The following GLB1 variants were observed in gnomAD, a reference collection of about 807,000 sequenced individuals.
GLB1 encodes galactosidase beta 1, also known as beta-galactosidase.
Under a neutral mutation model 74.0 loss-of-function variants are expected in GLB1, and 56 were observed. That is an observed-to-expected ratio of 0.76 (90% CI 0.61 to 0.94). The LOEUF is 0.94. GLB1 is among the 40% of genes least tolerant of loss of function. The pLI is 0.00. For synonymous variants in GLB1, 323 were observed against 323.6 expected, an observed-to-expected ratio of 1.00 and a Z score of 0.02; for missense variants, 787 against 845.5, an observed-to-expected ratio of 0.93 and a Z score of 0.86.
intron 1 of GLB1, among the ~76,000 whole-genome samples, chr3:33,088,537 T>C (rs989642821): frequency 7.9e-5 from 12 of 152,184 alleles, no homozygotes; most frequent in Middle Eastern, 3.4e-3. Flanking sequence ...AAATTCCATA[T>C]ATAAAAGCAT....
At chr3:33,051,603 C>CAAAA (rs59740209) in intron 9 of GLB1, among the ~76,000 whole-genome samples, 155 bp downstream of exon 9, 13 of 75,116 alleles carry the variant, frequency 1.7e-4, no homozygotes, top group East Asian at 9.1e-4. Flanking sequence ...AGACTGTCTA[C>CAAAA]AAAAAAAAAA....
chr3:33,094,523 G>C (rs966469774), intron 1 of GLB1, among the ~76,000 whole-genome samples: 3 of 152,226 alleles, frequency 2.0e-5, no homozygotes, highest in Non-Finnish European at 4.4e-5. Context: ...TACGTTTAAA[G>C]TTTCTCTACA....
At chr3:32,990,986 A>G in the GLB1 span, among the ~76,000 whole-genome samples, 2 of 152,014 alleles carry the variant, frequency 1.3e-5, no homozygotes, top group East Asian at 3.9e-4. Flanking sequence ...AATAATAATA[A>G]TAATAATAAT....
the GLB1 span, among the ~76,000 whole-genome samples, chr3:32,975,108 G>T: frequency 6.6e-6 from 1 of 152,072 alleles, no homozygotes; most frequent in Admixed American, 6.6e-5. Flanking sequence ...TTGAGACGGG[G>T]TCTCACTCTG....
intron 6 of GLB1, among the ~76,000 whole-genome samples, chr3:33,056,969 T>G (rs1699248875): frequency 6.6e-6 from 1 of 152,238 alleles, no homozygotes; most frequent in African/African-American, 2.4e-5. Flanking sequence ...ATTTAGCTGT[T>G]GATATGGTTT....
rs111840209 is a variant in GLB1 at position 33,058,199 on chromosome 3, C to T, written c.623G>A (p.Arg208His). 1.0e-3 allele frequency: 1,684 copies of T among 1,614,088 alleles called. 2 individuals are homozygous for T. The highest frequency in any genetic ancestry group is 1.1e-3 in the Non-Finnish European group (1,294 of 1,180,012). Reference sequence around the variant, plus strand: ...AACCACATCATCCCCCAGATGGTGGCGAAAGCGCTTCTGCAGGAAGCGCAG... The same window carrying T: ...AACCACATCATCCCCCAGATGGTGGTGAAAGCGCTTCTGCAGGAAGCGCAG... ...DYLRFLQKRF[R>H]HHLGDDVVLF... Residue 208 changes from arginine to histidine, a missense_variant, in exon 6 of 16, where the codon CGC becomes CAC. By Grantham distance (29) the Arg-to-His change is conservative. Transcript: ENST00000307363.
At chr3:33,088,019 C>A (rs995301329) in intron 1 of GLB1, among the ~76,000 whole-genome samples, 1 of 152,004 alleles carries the variant, frequency 6.6e-6, no homozygotes. Context: ...ACATGATAAT[C>A]TAAATTGAGG....
chr3:33,035,917 TA>T (rs746174736), intron 10 of GLB1, among the ~76,000 whole-genome samples: 23 of 152,226 alleles, frequency 1.5e-4, no homozygotes, highest in Admixed American at 3.9e-4. Flanking sequence ...TCAAGCTCCT[TA>T]ACTTGGTGTA....
At chr3:33,045,256 T>C (rs982280403) in intron 10 of GLB1, 13 of 756,618 alleles carry the variant, frequency 1.7e-5, no homozygotes, top group Non-Finnish European at 2.1e-5. Flanking sequence ...TTTTTTTTTT[T>C]TAGGTAAATA....
Position 33,091,564 on chromosome 3 carries a change from G to A in GLB1, c.75+5447C>T, listed in dbSNP as rs1006093696. On this transcript the variant is annotated intron_variant, in intron 1 of 15. Transcript: ENST00000307363. ...GAAAAATTAACATTGAGTGTTTACT[G>A]TGCACGCTGTGCCATGTGGAACTCA... 2.8e-5 allele frequency: 28 copies of A among 985,448 alleles called. No homozygotes were observed. In the East Asian group the frequency reaches 2.9e-3, roughly 104 times the overall value. The allele number at this position is 985,448 out of a possible 1,614,324, so 61.0% of individuals were successfully genotyped here. A position where few individuals can be genotyped will look rare whatever the true frequency, so the allele number is the denominator to read the frequency against.
the GLB1 span, among the ~76,000 whole-genome samples, chr3:32,988,356 A>G: frequency 6.6e-6 from 1 of 152,148 alleles, no homozygotes; most frequent in East Asian, 1.9e-4. Context: ...GTTGGGACCA[A>G]CGTGTTGTTG....
At chr3:32,982,783 C>T in the GLB1 span, among the ~76,000 whole-genome samples, 1 of 152,152 alleles carries the variant, frequency 6.6e-6, no homozygotes, top group Non-Finnish European at 1.5e-5. Flanking sequence ...GAGGTACATA[C>T]TTTAGTGTAC....
At chr3:33,031,631 AAAAAAAAAAATATATATAT>A (rs1698019881) in intron 10 of GLB1, among the ~76,000 whole-genome samples, 2 of 78,982 alleles carry the variant, frequency 2.5e-5, no homozygotes, top group African/African-American at 9.1e-5. Context: ...AAAAAAAAAA[AAAAAAAAAAATATATATAT>A]ATATATATAT....
chr3:33,034,195 G>A, intron 10 of GLB1: 1 of 635,840 alleles, frequency 1.6e-6, no homozygotes, highest in South Asian at 1.7e-5. Context: ...CTGTATGCTA[G>A]GTCCCCCATG....
chr3:33,064,965 A>G (rs1279698445), intron 5 of GLB1, among the ~76,000 whole-genome samples: 2 of 152,100 alleles, frequency 1.3e-5, no homozygotes, highest in Non-Finnish European at 2.9e-5. Context: ...AGGAAGTAAG[A>G]GAGGAAACAT....
chr3:32,982,391 T>C, the GLB1 span, among the ~76,000 whole-genome samples: 1 of 152,052 alleles, frequency 6.6e-6, no homozygotes, highest in South Asian at 2.1e-4. Flanking sequence ...CTCTCATTCC[T>C]TGCCTTTTTG....
At chr3:33,077,006 TAGAGCCCAGGAGTTCA>T in intron 1 of GLB1, 1 of 1,210,192 alleles carries the variant, frequency 8.3e-7, no homozygotes, top group Non-Finnish European at 1.1e-6. Flanking sequence ...GGAGAATTGC[TAGAGCCCAGGAGTTCA>T]AGACCAGTCT....
At chr3:32,980,133 C>G in the GLB1 span, among the ~76,000 whole-genome samples, 2 of 152,142 alleles carry the variant, frequency 1.3e-5, no homozygotes, top group Non-Finnish European at 2.9e-5. Context: ...TATAGTCAAC[C>G]TACTGTGCAA....
intron 15 of GLB1, among the ~76,000 whole-genome samples, chr3:33,005,747 C>T (rs369221393): frequency 1.3e-5 from 2 of 152,136 alleles, no homozygotes; most frequent in African/African-American, 2.4e-5. Context: ...CCTACCACCT[C>T]GGTCTCCCAA....
Sources: allele counts gnomAD v4.1 joint callset (sites outside exome capture counted in the v4.1 genomes callset), GRCh38; gene constraint gnomAD v4.1.1; transcripts MANE v1.5; gene names NCBI Gene and HGNC (gene_info 2026-07-23, HGNC 2026-07-21).